Variants in ZFPM1 observed in about 807,000 individuals in gnomAD.
The protein encoded by ZFPM1 is zinc finger protein ZFPM1.
In ZFPM1, 28 loss-of-function variants were observed where a neutral mutation model predicts 46.3. The ratio of observed to expected loss-of-function variants is 0.60; its 90% confidence interval spans 0.45 to 0.83. The LOEUF (loss-of-function observed/expected upper bound fraction) is 0.83. Ranked by LOEUF, ZFPM1 falls within the 40% of genes least tolerant of loss-of-function variation. The pLI is 0.00. For synonymous variants in ZFPM1, 957 were observed against 675.9 expected, an observed-to-expected ratio of 1.42 and a Z score of -6.45; for missense variants, 1,878 against 1,432.4, an observed-to-expected ratio of 1.31 and a Z score of -5.02.
At chr16:88,518,736 G>GAT (rs1911538604) in intron 4 of ZFPM1, among the ~76,000 whole-genome samples, 2 of 132,802 alleles carry the variant, frequency 1.5e-5, no homozygotes, top group Non-Finnish European at 3.2e-5. Context: ...TGGCTGAGAG[G>GAT]GTGGATGGAT....
Position 88,535,431 on chromosome 16 carries a change from C to G in ZFPM1, c.*452C>G, listed in dbSNP as rs1913206443. 1 of 153,652 alleles carries G rather than the reference C, an allele frequency of 6.5e-6. No individual in the cohort carries two copies. The highest frequency in any genetic ancestry group is 1.4e-5 in the Non-Finnish European group (1 of 69,034). 9.5% of individuals were successfully genotyped at this position (153,652 alleles called of 1,614,324 possible). On this transcript the variant is annotated 3_prime_UTR_variant, in exon 10 of 10. Coordinates refer to ENST00000319555, the MANE Select transcript of ZFPM1 (RefSeq NM_153813.3). ...GAGAGCAGCCTCCACACTGCTGACC[C>G]TCTCCACGGTCTACTTGGCCGCCAG...
At chr16:88,461,207 C>CGAGGG (rs1907861115) in intron 1 of ZFPM1, among the ~76,000 whole-genome samples, 1 of 106,732 alleles carries the variant, frequency 9.4e-6, no homozygotes, top group African/African-American at 5.3e-5. Flanking sequence ...TGGTGAGGAC[C>CGAGGG]CAGGGGCGGG....
chr16:88,529,953 G>A (rs1367910603), intron 6 of ZFPM1, among the ~76,000 whole-genome samples: 62 of 152,188 alleles, frequency 4.1e-4, no homozygotes, highest in Admixed American at 4.1e-3. Flanking sequence ...CCTAAGCCCA[G>A]GTTGGGGGCA....
At chr16:88,479,279 C>T (rs1908820154) in intron 1 of ZFPM1, among the ~76,000 whole-genome samples, 1 of 152,128 alleles carries the variant, frequency 6.6e-6, no homozygotes, top group Non-Finnish European at 1.5e-5. Flanking sequence ...CCACTGCTCT[C>T]TGTGCTTCGG....
rs532369062 is a variant in ZFPM1, at chr16:88,479,178, C to A, written c.41-6761C>A. On this transcript the variant is annotated intron_variant, in intron 1 of 9. Transcript: ENST00000319555. ...AGGGTGTGGGCGGTGAGTCCCGAGT[C>A]CCAACCGCGGGGCCGGGCTCCCCAC... is the stretch of plus-strand genomic sequence containing the variant. Among the ~76,000 whole-genome samples, 76 of 152,298 alleles carry A rather than the reference C, an allele frequency of 5.0e-4. 1 individual carries two copies. The highest frequency in any genetic ancestry group is 7.6e-4 in the Non-Finnish European group (52 of 68,008).
Position 88,489,109 on chromosome 16 carries a change from C to G in ZFPM1, c.224C>G (p.Pro75Arg). 6.2e-7 allele frequency: 1 copy of G among 1,612,368 alleles called. No homozygotes were observed. ...PKELEGQEPE[P>R]RPTEEEPGSP... ...GAGCTGGAAGGACAGGAACCAGAAC[C>G]CAGGCCCACGGAGGAAGAGCCGGGC... is the stretch of plus-strand genomic sequence containing the variant. The change falls in exon 3 of 10, where the codon CCC becomes CGC. Residue 75 changes from proline (P) to arginine (R), a missense_variant. By Grantham distance (103) the Pro-to-Arg change is moderately radical. Coordinates refer to ENST00000319555, the MANE Select transcript of ZFPM1 (RefSeq NM_153813.3).
intron 1 of ZFPM1, among the ~76,000 whole-genome samples, chr16:88,478,823 C>T (rs1484579238): frequency 6.6e-6 from 1 of 152,166 alleles, no homozygotes; most frequent in Non-Finnish European, 1.5e-5. Context: ...GAGTTGGGGG[C>T]CAACCTGAGG....
chr16:88,473,179 C>T (rs1007173511), intron 1 of ZFPM1, among the ~76,000 whole-genome samples: 1 of 152,266 alleles, frequency 6.6e-6, no homozygotes, highest in Non-Finnish European at 1.5e-5. Flanking sequence ...TTCTGAAAGG[C>T]ATCTGAGGGT....
At chr16:88,520,513 G>T (rs901032561) in intron 4 of ZFPM1, among the ~76,000 whole-genome samples, 3 of 150,654 alleles carry the variant, frequency 2.0e-5, no homozygotes, top group Non-Finnish European at 3.0e-5. Flanking sequence ...TAGGTGGATA[G>T]ATGAATGGAT....
Position 88,471,254 on chromosome 16 carries a change from G to A in ZFPM1, c.41-14685G>A, listed in dbSNP as rs1487432243. On this transcript the variant is annotated intron_variant, in intron 1 of 9. Coordinates refer to ENST00000319555, the MANE Select transcript of ZFPM1 (RefSeq NM_153813.3). The surrounding 1 kb of genome is among the most constrained non-coding windows in gnomAD (Gnocchi z 4.1). Reference sequence around the variant, plus strand: ...AGCTCCCAACCAGCTGACCCTCCAGGGCTGCAGCCATGTGTGACCTCCACC... The same window carrying A: ...AGCTCCCAACCAGCTGACCCTCCAGAGCTGCAGCCATGTGTGACCTCCACC... Among the ~76,000 whole-genome samples, 2 of 152,242 alleles carry A rather than the reference G, an allele frequency of 1.3e-5. No individual in the cohort carries two copies. Among genetic ancestry groups the A allele is most frequent in the Non-Finnish European group, 2.9e-5 (2 of 68,038 alleles).
intron 4 of ZFPM1, among the ~76,000 whole-genome samples, chr16:88,525,888 G>A (rs749319791): frequency 2.6e-5 from 4 of 152,218 alleles, no homozygotes; most frequent in Admixed American, 6.5e-5. Flanking sequence ...CGGCCTCCAC[G>A]GGCTCGGCCC....
At chr16:88,513,584 C>CGT (rs1911100499) in intron 3 of ZFPM1, among the ~76,000 whole-genome samples, 1 of 152,228 alleles carries the variant, frequency 6.6e-6, no homozygotes. Flanking sequence ...GGAGGAGCCA[C>CGT]GTCCCTGTTG....
chr16:88,530,244 C>A (rs1222374206), intron 6 of ZFPM1, among the ~76,000 whole-genome samples: 5 of 152,180 alleles, frequency 3.3e-5, no homozygotes, highest in African/African-American at 1.2e-4. Context: ...AGGGTCCCGT[C>A]CTCCAGCAGG....
chr16:88,528,993 AC>A (rs974853724), intron 6 of ZFPM1, among the ~76,000 whole-genome samples: 3 of 151,752 alleles, frequency 2.0e-5, no homozygotes, highest in African/African-American at 7.3e-5. Context: ...TGAGTCACTC[AC>A]CCCCGGCCGG....
intron 3 of ZFPM1, among the ~76,000 whole-genome samples, chr16:88,507,678 G>T (rs1910735982): frequency 6.6e-6 from 1 of 152,208 alleles, no homozygotes; most frequent in African/African-American, 2.4e-5. Context: ...GGCAGATGTG[G>T]GCCTCGGGGA....
chr16:88,458,757 C>G (rs1964948053), intron 1 of ZFPM1, among the ~76,000 whole-genome samples: 1 of 152,164 alleles, frequency 6.6e-6, no homozygotes, highest in South Asian at 2.1e-4. Flanking sequence ...GGCTCCTGAC[C>G]CCATTTCACA....
At chr16:88,452,820 G>C (rs1210218477), upstream of ZFPM1, among the ~76,000 whole-genome samples, 1 of 152,192 alleles carries the variant, frequency 6.6e-6, no homozygotes, top group Non-Finnish European at 1.5e-5. Flanking sequence ...CTGGCGCCGA[G>C]AGGCGGGGCG....
intron 3 of ZFPM1, among the ~76,000 whole-genome samples, chr16:88,492,926 GCTGTCCCGGGGAGCAGAGAC>G (rs1292099115): frequency 3.3e-5 from 5 of 152,218 alleles, no homozygotes; most frequent in Admixed American, 6.5e-5. Context: ...GCACCGGAGA[GCTGTCCCGGGGAGCAGAGAC>G]CTGTCCCAGG....
intron 3 of ZFPM1, among the ~76,000 whole-genome samples, chr16:88,511,996 C>T (rs897773462): frequency 6.6e-6 from 1 of 152,358 alleles, no homozygotes; most frequent in East Asian, 1.9e-4. Flanking sequence ...CCCGGCCATC[C>T]CTGAGTGGTG....
Sources: gnomAD v4.1 joint callset for allele counts (sites outside exome capture counted in the v4.1 genomes callset) on GRCh38, gnomAD v4.1.1 for gene constraint, Gnocchi (gnomAD v3.1) non-coding constraint, MANE v1.5 for transcripts, NCBI Gene and HGNC (gene_info 2026-07-23, HGNC 2026-07-21) for gene names.